CSMD1: variants seen among roughly 807,000 people sequenced by gnomAD.
The protein encoded by CSMD1 is CUB and sushi domain-containing protein 1.
In CSMD1, 213 loss-of-function variants were observed where a neutral mutation model predicts 417.5. That is an observed-to-expected ratio of 0.51 (90% CI 0.46 to 0.57). The LOEUF (loss-of-function observed/expected upper bound fraction) is 0.57, where lower values mean the gene tolerates loss of function less well. Ranked by LOEUF, CSMD1 falls within the 20% of genes least tolerant of loss-of-function variation. The pLI is 0.00. For synonymous variants in CSMD1, 2,862 were observed against 1,736.8 expected (o/e 1.65, Z -16.11); for missense variants, 6,923 against 4,529.7 (o/e 1.53, Z -15.17).
chr8:3,184,717 G>A (rs113510093), intron 36 of CSMD1, among the ~76,000 whole-genome samples: 1 of 152,186 alleles, frequency 6.6e-6, no homozygotes, highest in Non-Finnish European at 1.5e-5. Flanking sequence ...ATCCTATGGA[G>A]ATGGGGAAAT....
chr8:3,203,963 C>T (rs547705028), intron 31 of CSMD1, among the ~76,000 whole-genome samples: 2 of 152,188 alleles, frequency 1.3e-5, no homozygotes, highest in African/African-American at 4.8e-5. Context: ...CTGCCAGGGA[C>T]ATGGACCAGA....
At chr8:4,100,653 G>A (rs1220180930) in intron 3 of CSMD1, among the ~76,000 whole-genome samples, 1 of 152,094 alleles carries the variant, frequency 6.6e-6, no homozygotes, top group Admixed American at 6.6e-5. Flanking sequence ...TCATTTCGAT[G>A]ATGGAAAAAG....
intron 3 of CSMD1, among the ~76,000 whole-genome samples, chr8:4,149,967 G>A (rs1484374035): frequency 6.6e-6 from 1 of 152,222 alleles, no homozygotes; most frequent in East Asian, 1.9e-4. Context: ...GGTACACAAA[G>A]TTCAGCACTG....
At chr8:4,045,491 T>C (rs559193883) in intron 3 of CSMD1, among the ~76,000 whole-genome samples, 1 of 152,154 alleles carries the variant, frequency 6.6e-6, no homozygotes, top group Non-Finnish European at 1.5e-5. Flanking sequence ...CTGTCCCCAG[T>C]TGGGGGAAGA....
intron 25 of CSMD1, among the ~76,000 whole-genome samples, chr8:3,302,458 C>G (rs1027086571): frequency 6.6e-6 from 1 of 152,116 alleles, no homozygotes; most frequent in Non-Finnish European, 1.5e-5. Flanking sequence ...TCCTGTAATT[C>G]CATTTATGTG....
intron 25 of CSMD1, among the ~76,000 whole-genome samples, chr8:3,306,439 G>A (rs189901308): frequency 2.8e-4 from 43 of 152,048 alleles, no homozygotes; most frequent in Non-Finnish European, 5.4e-4. Context: ...CTCCCAAAGT[G>A]TTAGGCATGA....
chr8:4,673,907 G>C (rs117594981), intron 1 of CSMD1, among the ~76,000 whole-genome samples: 3 of 152,206 alleles, frequency 2.0e-5, no homozygotes, highest in African/African-American at 7.2e-5. Context: ...AAGATACAGG[G>C]TTTGGGAGGA....
chr8:4,002,120 C>T (rs1016107840), intron 4 of CSMD1, among the ~76,000 whole-genome samples: 1 of 152,066 alleles, frequency 6.6e-6, no homozygotes, highest in African/African-American at 2.4e-5. Flanking sequence ...AACAAAAAAA[C>T]TTCATGGTAC....
chr8:3,133,779 A>G (rs1817923919), intron 41 of CSMD1, among the ~76,000 whole-genome samples: 2 of 152,338 alleles, frequency 1.3e-5, no homozygotes, highest in Admixed American at 1.3e-4. Context: ...ACCACTGCTC[A>G]TGACACTCAC....
intron 19 of CSMD1, among the ~76,000 whole-genome samples, 158 bp downstream of exon 19, chr8:3,369,096 T>C (rs1468981573): frequency 6.6e-6 from 1 of 152,240 alleles, no homozygotes; most frequent in African/African-American, 2.4e-5. Context: ...AGACTATTGT[T>C]CTTCCAAAAT....
At position 3,055,496 on chromosome 8, in the gene CSMD1, T is replaced by C. The variant is rs140556135; in HGVS notation, c.7475-2849A>G. 2.7e-3 allele frequency among the ~76,000 whole-genome samples: 410 copies of C among 152,336 alleles called. 5 individuals are homozygous for C. The highest frequency in any genetic ancestry group is 7.8e-3 in the African/African-American group (323 of 41,572). ...ATGGACTAAAATCAGGCTCATGGGA[T>C]GAAGACAGTTTCCTGCTCAAGTTTA... On this transcript the variant is annotated intron_variant, in intron 49 of 69. Coordinates refer to ENST00000635120, the MANE Select transcript of CSMD1 (RefSeq NM_033225.6).
chr8:3,758,505 A>G (rs1011572800), intron 5 of CSMD1, among the ~76,000 whole-genome samples: 73 of 152,304 alleles, frequency 4.8e-4, no homozygotes, highest in African/African-American at 1.7e-3. Context: ...ATCGCTGTCT[A>G]CAGGGCCAGG....
intron 2 of CSMD1, among the ~76,000 whole-genome samples, chr8:4,517,505 T>A (rs1029620665): frequency 6.6e-6 from 1 of 152,238 alleles, no homozygotes; most frequent in African/African-American, 2.4e-5. Context: ...AACTGTGGCA[T>A]ACTAAATGCT....
chr8:4,369,143 G>T (rs575994949), intron 3 of CSMD1, among the ~76,000 whole-genome samples: 3 of 152,122 alleles, frequency 2.0e-5, no homozygotes, highest in Non-Finnish European at 2.9e-5. Context: ...CTGGTATTTT[G>T]TGTCTCCATT....
chr8:4,812,940 T>C (rs943762745), intron 1 of CSMD1, among the ~76,000 whole-genome samples: 5 of 152,198 alleles, frequency 3.3e-5, no homozygotes, highest in Non-Finnish European at 7.3e-5. Context: ...CATGCATTTC[T>C]TGACAAAAAT....
At chr8:4,429,670 A>G (rs187239886) in intron 2 of CSMD1, among the ~76,000 whole-genome samples, 144 of 152,232 alleles carry the variant, frequency 9.5e-4, no homozygotes, top group African/African-American at 3.3e-3. Context: ...GGGTACCCCA[A>G]GAGATGGACC....
chr8:4,183,920 A>C lies in CSMD1; in HGVS notation c.416-151821T>G, dbSNP rs182936744. 5.2e-4 allele frequency among the ~76,000 whole-genome samples: 79 copies of C among 152,260 alleles called. No homozygotes were observed. In the East Asian group the frequency reaches 0.015, roughly 29 times the overall value. ...TTGGCCACAGCTTGGGGCAGCTACC[A>C]CATGATAGTCTGGGAAACCTATGAA... On this transcript the variant is annotated intron_variant, in intron 3 of 69. Coordinates refer to ENST00000635120, the MANE Select transcript of CSMD1 (RefSeq NM_033225.6).
At chr8:4,107,662 C>T (rs1345143925) in intron 3 of CSMD1, among the ~76,000 whole-genome samples, 3 of 152,140 alleles carry the variant, frequency 2.0e-5, no homozygotes, top group East Asian at 1.9e-4. Flanking sequence ...ATTTGAAGTA[C>T]AATCCATCAT....
At chr8:4,758,855 A>G (rs374943844) in intron 1 of CSMD1, among the ~76,000 whole-genome samples, 21 of 152,178 alleles carry the variant, frequency 1.4e-4, no homozygotes, top group African/African-American at 4.6e-4. Context: ...AAACCTGGGG[A>G]TTACAATTCA....
Sources: allele counts gnomAD v4.1 joint callset (sites outside exome capture counted in the v4.1 genomes callset), GRCh38; gene constraint gnomAD v4.1.1; transcripts MANE v1.5; gene names NCBI Gene and HGNC (gene_info 2026-07-23, HGNC 2026-07-21).